PAX8: variants seen among roughly 807,000 people sequenced by gnomAD.
PAX8 encodes the protein paired box 8.
A neutral mutation model predicts 52.4 loss-of-function variants in PAX8; 15 were observed. The ratio of observed to expected loss-of-function variants is 0.29; its 90% CI spans 0.19 to 0.44. The LOEUF is 0.44. Ranked by LOEUF, PAX8 falls within the 20% of genes least tolerant of loss-of-function variation. The probability of loss-of-function intolerance (pLI) is 1.00; values close to 1 mark genes in which losing one functional copy is unlikely to be tolerated. For synonymous variants in PAX8, 284 were observed against 249.7 expected (o/e 1.14, Z -1.29); for missense variants, 554 against 602.5 (o/e 0.92, Z 0.84).
intron 7 of PAX8, chr2:113,237,990 T>C (rs1690505778): frequency 6.6e-6 from 1 of 152,090 alleles, no homozygotes; most frequent in African/African-American, 2.4e-5. Flanking sequence ...ATAGCAGCAA[T>C]TATTGACTAA....
chr2:113,236,449 C>T, intron 8 of PAX8, 152 bp downstream of exon 8: 1 of 703,098 alleles, frequency 1.4e-6, no homozygotes, highest in South Asian at 1.9e-5. Context: ...CGGCCTAGGA[C>T]CGGAGGCGCG....
At chr2:113,227,431 G>C (rs1573414195) in intron 9 of PAX8, among the ~76,000 whole-genome samples, 175 bp from the exon 10 acceptor site, 1 of 152,142 alleles carries the variant, frequency 6.6e-6, no homozygotes, top group East Asian at 1.9e-4. Flanking sequence ...TTTCACCTCT[G>C]TCTGGTCTTC....
rs1689078521 is a variant in PAX8 at position 113,217,843 on chromosome 2, G to A, written c.*690C>T. ...CCAAGGGGATGCCGCACTGCAGGAG[G>A]ACCTGGGGTGGTGCTATACCTTCAC... On this transcript the variant is annotated 3_prime_UTR_variant, in exon 12 of 12. Transcript: ENST00000429538. 1 of 233,338 alleles carries A rather than the reference G, an allele frequency of 4.3e-6. No individual in the cohort carries two copies. Among genetic ancestry groups the A allele is most frequent in the Non-Finnish European group, 8.5e-6 (1 of 118,220 alleles). 14.5% of individuals were successfully genotyped at this position (233,338 alleles called of 1,614,324 possible). A position where few individuals can be genotyped will look rare whatever the true frequency, so the allele number is the denominator to read the frequency against.
intron 2 of PAX8, chr2:113,270,599 C>T (rs957387379): frequency 6.6e-6 from 1 of 152,136 alleles, no homozygotes; most frequent in African/African-American, 2.4e-5. Flanking sequence ...CTGGAGATGC[C>T]GAAGAATCAA....
rs769138605 is a variant in PAX8 at position 113,244,601 on chromosome 2, C to T, written c.215G>A (p.Arg72Gln). 54 of 1,614,034 alleles carry T rather than the reference C, an allele frequency of 3.3e-5. No homozygotes were observed. The highest frequency in any genetic ancestry group is 5.5e-5 in the South Asian group (5 of 91,090). ...LGRYYETGSIRPGVIGGSKPK... is the reference protein window; with the variant it reads ...LGRYYETGSIQPGVIGGSKPK... ...CTTGGAGCCCCCTATCACTCCAGGC[C>T]GGATGCTGCCAGTCTCGTAGTACCT... The change falls in exon 4 of 12, where the codon CGG becomes CAG. Residue 72 changes from arginine to glutamine, a missense_variant. By Grantham distance (43) the Arg-to-Gln change is conservative. This residue lies in a region of PAX8 where 109 missense variants were observed against 192.7 expected (regional missense o/e 0.57). Coordinates refer to ENST00000429538, the MANE Select transcript of PAX8 (RefSeq NM_003466.4).
intron 10 of PAX8, chr2:113,226,010 G>T: frequency 1.0e-6 from 1 of 985,620 alleles, no homozygotes. Flanking sequence ...TATTTTCAAC[G>T]CTGCATTAAG....
chr2:113,242,851 C>G (rs1690978886), intron 4 of PAX8, 73 bp from the exon 5 acceptor site: 4 of 1,219,664 alleles, frequency 3.3e-6, no homozygotes, highest in Non-Finnish European at 4.9e-6. Flanking sequence ...CAGACCCAGT[C>G]GCCTTTTTGA....
chr2:113,278,278 T>G (rs2104625576), intron 2 of PAX8, 92 bp downstream of exon 2: 1 of 1,075,446 alleles, frequency 9.3e-7, no homozygotes, highest in Non-Finnish European at 1.4e-6. Flanking sequence ...GCGAATCCCG[T>G]GCTGACGCTC....
intron 4 of PAX8, 90 bp downstream of exon 4, chr2:113,244,336 TC>T: frequency 4.0e-6 from 4 of 1,003,220 alleles, no homozygotes; most frequent in Non-Finnish European, 4.7e-6. Flanking sequence ...CGGCCTCTGC[TC>T]CACCCAAGCC....
At chr2:113,271,994 C>T (rs1693491193) in intron 2 of PAX8, 1 of 152,106 alleles carries the variant, frequency 6.6e-6, no homozygotes, top group South Asian at 2.1e-4. Flanking sequence ...CTTGTGCAGA[C>T]GTTCTTTTTC....
chr2:113,265,487 G>C (rs1056931113), intron 2 of PAX8: 2 of 152,508 alleles, frequency 1.3e-5, no homozygotes, highest in African/African-American at 4.8e-5. Context: ...GCTGACTGCT[G>C]GTGCCTGGAA....
Position 113,236,633 on chromosome 2 carries a change from A to T in PAX8, c.866T>A (p.Leu289His). Reference protein sequence around the residue: ...TPSNTPLGRNLSTHQTYPVVA... With the variant: ...TPSNTPLGRNHSTHQTYPVVA... ...CACGGGGTAGGTCTGGTGAGTCGAG[A>T]GGTTGCGCCCCAGTGGCGTGTTGGA... Residue 289 changes from leucine to histidine, a missense_variant, in exon 8 of 12, where the codon CTC becomes CAC. Coordinates refer to ENST00000429538, the MANE Select transcript of PAX8 (RefSeq NM_003466.4). 1.3e-6 allele frequency: 2 copies of T among 1,593,172 alleles called. No homozygotes were observed. Among genetic ancestry groups the T allele is most frequent in the Non-Finnish European group, 1.7e-6 (2 of 1,170,326 alleles).
intron 2 of PAX8, among the ~76,000 whole-genome samples, chr2:113,254,361 A>G (rs1371995957): frequency 6.6e-6 from 1 of 152,212 alleles, no homozygotes; most frequent in Non-Finnish European, 1.5e-5. Context: ...ACTACTTGGA[A>G]TAAGTGCTAA....
intron 2 of PAX8, among the ~76,000 whole-genome samples, chr2:113,264,792 G>A (rs1372484961): frequency 1.3e-5 from 2 of 152,202 alleles, no homozygotes; most frequent in Non-Finnish European, 2.9e-5. Flanking sequence ...GGAAGGAGGT[G>A]GAGCTTGACT....
Position 113,218,298 on chromosome 2 carries a change from T to C in PAX8, c.*235A>G, listed in dbSNP as rs1689095566. 1 of 401,954 alleles carries C rather than the reference T, an allele frequency of 2.5e-6. No homozygotes were observed. The highest frequency in any genetic ancestry group is 2.1e-5 in the African/African-American group (1 of 48,676). The allele number at this position is 401,954 out of a possible 1,614,324, so 24.9% of individuals were successfully genotyped here. A position where few individuals can be genotyped will look rare whatever the true frequency, so the allele number is the denominator to read the frequency against. On this transcript the variant is annotated 3_prime_UTR_variant, in exon 12 of 12. Coordinates refer to ENST00000429538, the MANE Select transcript of PAX8 (RefSeq NM_003466.4). ...TGTCTTTTTCAGCATGGCATGGTTC[T>C]CTTTCCCTGGGACTCCTGCCCCTCA...
chr2:113,252,052 T>G (rs923928231), intron 2 of PAX8, among the ~76,000 whole-genome samples: 2 of 152,236 alleles, frequency 1.3e-5, no homozygotes, highest in African/African-American at 4.8e-5. Context: ...GCTTCAGTAC[T>G]TTCCTCTTTA....
At chr2:113,274,021 C>T (rs868244573) in intron 2 of PAX8, 3 of 152,076 alleles carry the variant, frequency 2.0e-5, no homozygotes, top group East Asian at 1.9e-4. Flanking sequence ...TCATTCCAGA[C>T]GTGCGTGTGT....
intron 7 of PAX8, chr2:113,241,323 A>C (rs768463499): frequency 4.8e-5 from 30 of 620,890 alleles, no homozygotes; most frequent in Non-Finnish European, 4.3e-5. Flanking sequence ...TGAAAGGCCC[A>C]GGCTCAAAGG....
intron 10 of PAX8, chr2:113,226,243 G>A: frequency 1.0e-6 from 1 of 985,374 alleles, no homozygotes; most frequent in South Asian, 4.7e-5. Flanking sequence ...AAGTCTCTGG[G>A]GTCACAGCCA....
Sources: allele counts gnomAD v4.1 joint callset (sites outside exome capture counted in the v4.1 genomes callset), GRCh38; gene constraint gnomAD v4.1.1; regional missense constraint gnomAD v4.1.1; transcripts MANE v1.5; gene names NCBI Gene and HGNC (gene_info 2026-07-23, HGNC 2026-07-21).